The following HOMEZ variants were observed in gnomAD, a reference collection of about 807,000 sequenced individuals.
The protein encoded by HOMEZ is homeobox and leucine zipper protein Homez.
HOMEZ carries 20 observed loss-of-function variants against 50.1 expected under a neutral mutation model. The ratio of observed to expected loss-of-function variants is 0.40; its 90% CI spans 0.28 to 0.58. The LOEUF is 0.58. Ranked by LOEUF, HOMEZ falls within the 20% of genes least tolerant of loss-of-function variation. The pLI, the probability that HOMEZ is intolerant of heterozygous loss-of-function variation, is 0.46. For missense variants in HOMEZ, 579 were observed against 680.5 expected (o/e 0.85, Z 1.66); for synonymous variants, 239 against 254.7 (o/e 0.94, Z 0.59).
intron 1 of HOMEZ, among the ~76,000 whole-genome samples, chr14:23,282,424 C>T (rs1402057928): frequency 6.6e-6 from 1 of 152,008 alleles, no homozygotes; most frequent in Non-Finnish European, 1.5e-5. Flanking sequence ...CACCTTTCGC[C>T]TTCCAGGTTC....
intron 1 of HOMEZ, among the ~76,000 whole-genome samples, chr14:23,279,251 T>C (rs1225304582): frequency 6.6e-6 from 1 of 152,220 alleles, no homozygotes; most frequent in Non-Finnish European, 1.5e-5. Flanking sequence ...TCTTTTTTTT[T>C]TCTTCTCAGT....
At chr14:23,282,393 C>G (rs1594966194) in intron 1 of HOMEZ, among the ~76,000 whole-genome samples, 1 of 151,988 alleles carries the variant, frequency 6.6e-6, no homozygotes, top group African/African-American at 2.4e-5. Context: ...ATCGGTGTGT[C>G]AGTTGCCTAT....
intron 1 of HOMEZ, among the ~76,000 whole-genome samples, chr14:23,281,575 G>A (rs915470276): frequency 3.9e-5 from 6 of 152,066 alleles, no homozygotes; most frequent in Non-Finnish European, 5.9e-5. Flanking sequence ...ATGGATGTCC[G>A]GGGTGAGACA....
rs1483023822 is a variant in HOMEZ at position 23,275,607 on chromosome 14, C to A, written c.1621G>T (p.Asp541Tyr). The change falls in exon 2 of 2, where the codon GAT becomes TAT. Residue 541 changes from aspartate (D) to tyrosine (Y), a missense_variant. Coordinates refer to ENST00000357460, the MANE Select transcript of HOMEZ (RefSeq NM_020834.3). ...TGTATGATCACATCATCATCATCATCATCATCATCTTCCTCCTCCTCCTCC... is the reference window on the plus strand; with the variant it reads ...TGTATGATCACATCATCATCATCATAATCATCATCTTCCTCCTCCTCCTCC... ...EEEEEEEDDD[D>Y]DDDDVIIQD The A allele has an allele frequency of 8.5e-6, 13 of 1,538,002 alleles. No individual in the cohort carries two copies. In the East Asian group the frequency reaches 3.2e-4, roughly 38 times the overall value.
rs760820889 is a variant in HOMEZ, at chr14:23,277,168, T to G, written c.60A>C (p.Lys20Asn). 6.3e-7 allele frequency: 1 copy of G among 1,588,424 alleles called. No homozygotes were observed. The highest frequency in any genetic ancestry group is 2.3e-5 in the East Asian group (1 of 44,070). ...TATTAGGAGGCATGGTGCCTTCTGATTTGTGCCCTTCAGAGATAGCTGCAA... is the reference window on the plus strand; with the variant it reads ...TATTAGGAGGCATGGTGCCTTCTGAGTTGTGCCCTTCAGAGATAGCTGCAA... ...GLDCAISEGHKSEGTMPPNKE... is the reference protein window; with the variant it reads ...GLDCAISEGHNSEGTMPPNKE... Residue 20 changes from lysine to asparagine, a missense_variant, in exon 2 of 2, where the codon AAA (lysine) becomes AAC (asparagine). Coordinates refer to ENST00000357460, the MANE Select transcript of HOMEZ (RefSeq NM_020834.3).
At position 23,274,330 on chromosome 14, in the gene HOMEZ, G is replaced by A. The variant is rs192587079; in HGVS notation, c.*1245C>T. Reference sequence around the variant, plus strand: ...TCTCTGTCAAGCTGGACAGGAGGTAGTTAACAGGTTTGTAAAACCAAACCT... The same window carrying A: ...TCTCTGTCAAGCTGGACAGGAGGTAATTAACAGGTTTGTAAAACCAAACCT... On this transcript the variant is annotated 3_prime_UTR_variant, in exon 2 of 2. Coordinates refer to ENST00000357460, the MANE Select transcript of HOMEZ (RefSeq NM_020834.3). 3.9e-5 allele frequency: 6 copies of A among 152,694 alleles called. No homozygotes were observed. Among genetic ancestry groups the A allele is most frequent in the African/African-American group, 1.4e-4 (6 of 41,564 alleles). The allele number at this position is 152,694 out of a possible 1,614,324, so 9.5% of individuals were successfully genotyped here. A position where few individuals can be genotyped will look rare whatever the true frequency, so the allele number is the denominator to read the frequency against.
Position 23,276,637 on chromosome 14 carries a change from ACT to A in HOMEZ, c.589_590del (p.His198ProfsTer64). On this transcript the variant is annotated frameshift_variant, in exon 2 of 2. Transcript: ENST00000357460. LOFTEE classifies it high-confidence loss of function. This position sits in a 1 kb window ranked among gnomAD's most constrained non-coding sequence, Gnocchi z 4.1. ...TCAGGGACTCCTTTAATTTCTGGTG[ACT>A]CTGTGGCAGTGGTGGCATCTGAGAG... ...EPSQMPPLPQ[S>X]HQKLKESLMT... The A allele has an allele frequency of 6.2e-7, 1 of 1,613,792 alleles. No homozygotes were observed. Among genetic ancestry groups the A allele is most frequent in the Non-Finnish European group, 8.5e-7 (1 of 1,179,854 alleles).
intron 1 of HOMEZ, among the ~76,000 whole-genome samples, chr14:23,282,280 T>C (rs1886573030): frequency 1.3e-5 from 2 of 152,200 alleles, no homozygotes; most frequent in South Asian, 2.1e-4. Context: ...TCTATACTTT[T>C]ACATTTTGGG....
intron 1 of HOMEZ, among the ~76,000 whole-genome samples, chr14:23,284,770 G>A (rs1886624681): frequency 6.6e-6 from 1 of 152,108 alleles, no homozygotes; most frequent in Non-Finnish European, 1.5e-5. Flanking sequence ...TGAGCGGTGG[G>A]ACTTAATCTC....
chr14:23,275,484 A>G lies in HOMEZ; in HGVS notation c.*91T>C. 2.8e-6 allele frequency: 4 copies of G among 1,451,250 alleles called. No homozygotes were observed. The highest frequency in any genetic ancestry group is 3.7e-6 in the Non-Finnish European group (4 of 1,095,518). 89.9% of individuals were successfully genotyped at this position (1,451,250 alleles called of 1,614,324 possible). ...CAAAGCTTTTTAGTTCTCTGCCACA[A>G]GGTAATTTTAAAAATGTGGTTTCTT... On this transcript the variant is annotated 3_prime_UTR_variant, in exon 2 of 2. Coordinates refer to ENST00000357460, the MANE Select transcript of HOMEZ (RefSeq NM_020834.3).
rs1566448727 is a variant in HOMEZ, at chr14:23,276,157, C to T, written c.1071G>A (p.Gln357=). The change falls in exon 2 of 2, where the codon CAG becomes CAA. Residue 357 remains glutamine, a synonymous_variant. Transcript: ENST00000357460. The surrounding 1 kb of genome is among the most constrained non-coding windows in gnomAD (Gnocchi z 4.1). ...CTTTGGTTTTGCGCTTGGTCTTTCG[C>T]TGGCGTTGCATATCTGGGGAAAGGT... ...TEYLSPDMQR[Q]RKTKRKTKEQ... The T allele has an allele frequency of 6.2e-7, 1 of 1,613,886 alleles. No individual in the cohort carries two copies. Among genetic ancestry groups the T allele is most frequent in the East Asian group, 2.2e-5 (1 of 44,882 alleles).
At chr14:23,279,074 C>T (rs1452203614) in intron 1 of HOMEZ, among the ~76,000 whole-genome samples, 1 of 151,930 alleles carries the variant, frequency 6.6e-6, no homozygotes, top group Non-Finnish European at 1.5e-5. Context: ...ACCTCCACCT[C>T]CCGGGTTCAA....
Position 23,272,786 on chromosome 14 carries a change from T to A in HOMEZ, c.*2789A>T. On this transcript the variant is annotated 3_prime_UTR_variant, in exon 2 of 2. Transcript: ENST00000357460. ...GACTTGCTTGCCCTTTTTGCTGTTATAAACACCCACATCTACCTTCTTGTC... is the reference window on the plus strand; with the variant it reads ...GACTTGCTTGCCCTTTTTGCTGTTAAAAACACCCACATCTACCTTCTTGTC... The A allele has an allele frequency of 7.0e-7, 1 of 1,426,058 alleles. No homozygotes were observed. Among genetic ancestry groups the A allele is most frequent in the Non-Finnish European group, 9.7e-7 (1 of 1,034,536 alleles). The allele number at this position is 1,426,058 out of a possible 1,614,324, so 88.3% of individuals were successfully genotyped here.
In HOMEZ at chr14:23,274,662, C is replaced by T. The variant is rs1008056317; in HGVS notation, c.*913G>A. ...GTGGCTCATGCCTATAATCCCAGCA[C>T]TTTGGGAGGCCAAGGTGGGCGGATC... On this transcript the variant is annotated 3_prime_UTR_variant, in exon 2 of 2. Coordinates refer to ENST00000357460, the MANE Select transcript of HOMEZ (RefSeq NM_020834.3). 6.6e-6 allele frequency: 1 copy of T among 152,464 alleles called. No homozygotes were observed. The highest frequency in any genetic ancestry group is 2.4e-5 in the African/African-American group (1 of 41,448). The allele number at this position is 152,464 out of a possible 1,614,324, so 9.4% of individuals were successfully genotyped here.
rs995811119 is a variant in HOMEZ, at chr14:23,277,539, A to C, written c.41-352T>G. Among the ~76,000 whole-genome samples, 26 of 152,244 alleles carry C rather than the reference A, an allele frequency of 1.7e-4. No individual in the cohort carries two copies. The South Asian group carries it at 3.9e-3, about 23-fold the overall frequency. Reference sequence around the variant, plus strand: ...GAGGCCGAGGTGGGAGGATTGCTTGAGCCCAGAGCTTTGATACCAGCCTGG... The same window carrying C: ...GAGGCCGAGGTGGGAGGATTGCTTGCGCCCAGAGCTTTGATACCAGCCTGG... On this transcript the variant is annotated intron_variant, in intron 1 of 1. Coordinates refer to ENST00000357460, the MANE Select transcript of HOMEZ (RefSeq NM_020834.3).
chr14:23,278,717 C>G (rs769743651), intron 1 of HOMEZ, among the ~76,000 whole-genome samples: 1 of 152,082 alleles, frequency 6.6e-6, no homozygotes, highest in Non-Finnish European at 1.5e-5. Flanking sequence ...GCTCTGTTGC[C>G]TAGACTGGAG....
intron 1 of HOMEZ, among the ~76,000 whole-genome samples, chr14:23,283,833 T>C (rs1886607311): frequency 6.6e-6 from 1 of 152,108 alleles, no homozygotes; most frequent in African/African-American, 2.4e-5. Flanking sequence ...GGGCGGACGT[T>C]GCAGTGAGCC....
At chr14:23,285,462 A>G (rs1886637763) in intron 1 of HOMEZ, 1 of 154,178 alleles carries the variant, frequency 6.5e-6, no homozygotes, top group Admixed American at 6.6e-5. Context: ...CCCAAAGGCC[A>G]CTGATCCCCA....
rs1389509327 is a variant in HOMEZ, at chr14:23,280,744, T to C, written c.41-3557A>G. On this transcript the variant is annotated intron_variant, in intron 1 of 1. Transcript: ENST00000357460. ...TATTTTATTTTATTTTATTTTATTA[T>C]TTTATTTTATTTTATTTTATTTTAT... is the stretch of plus-strand genomic sequence containing the variant. 2.1e-3 allele frequency among the ~76,000 whole-genome samples: 164 copies of C among 79,764 alleles called. 7 individuals are homozygous for C. The highest frequency in any genetic ancestry group is 7.3e-3 in the African/African-American group (146 of 20,094). The allele number at this position is 79,764 out of a possible 152,430, so 52.3% of individuals were successfully genotyped here.
Sources: gnomAD v4.1 joint callset for allele counts (sites outside exome capture counted in the v4.1 genomes callset) on GRCh38, gnomAD v4.1.1 for gene constraint, Gnocchi (gnomAD v3.1) non-coding constraint, MANE v1.5 for transcripts, NCBI Gene and HGNC (gene_info 2026-07-23, HGNC 2026-07-21) for gene names.